The following FRRS1L variants were observed in gnomAD, a reference collection of about 807,000 sequenced individuals.
FRRS1L encodes the protein DOMON domain-containing protein FRRS1L.
In FRRS1L, 22 loss-of-function variants were observed where a neutral mutation model predicts 28.6. That is an observed-to-expected ratio of 0.77 (90% CI 0.55 to 1.10). The LOEUF (loss-of-function observed/expected upper bound fraction) is 1.10, where lower values mean the gene tolerates loss of function less well. Ranked by LOEUF, FRRS1L falls within the 50% of genes least tolerant of loss-of-function variation. FRRS1L has a pLI of 0.00. For missense variants in FRRS1L, 380 were observed against 386.9 expected, an observed-to-expected ratio of 0.98 and a Z score of 0.15; for synonymous variants, 158 against 151.4, an observed-to-expected ratio of 1.04 and a Z score of -0.32.
At chr9:109,154,192 G>A (rs560896391) in intron 1 of FRRS1L, among the ~76,000 whole-genome samples, 10 of 152,190 alleles carry the variant, frequency 6.6e-5, no homozygotes, top group Non-Finnish European at 1.5e-4. Flanking sequence ...ACAGCTCTGC[G>A]AGGTCCTGGT....
chr9:109,148,691 G>A (rs183174539), intron 2 of FRRS1L: 1 of 151,820 alleles, frequency 6.6e-6, no homozygotes, highest in Admixed American at 6.6e-5. Context: ...AGGGCACTGG[G>A]GTGAAAAAGA....
intron 1 of FRRS1L, among the ~76,000 whole-genome samples, chr9:109,162,716 G>T (rs767117994): frequency 2.4e-4 from 36 of 152,312 alleles, no homozygotes; most frequent in South Asian, 1.7e-3. Flanking sequence ...ACCCTTAAAG[G>T]ACTTCCAGAT....
chr9:109,144,393 GAC>G (rs1046258783), intron 3 of FRRS1L, among the ~76,000 whole-genome samples: 11 of 152,024 alleles, frequency 7.2e-5, no homozygotes, highest in African/African-American at 2.7e-4. Context: ...CTTTTTTTGA[GAC>G]AGTCTCGCTC....
At chr9:109,141,962 A>G (rs867919468) in intron 3 of FRRS1L, among the ~76,000 whole-genome samples, 2 of 151,882 alleles carry the variant, frequency 1.3e-5, no homozygotes, top group Admixed American at 6.6e-5. Context: ...AAAAAGAAAA[A>G]AAAAAAAAAG....
At position 109,150,144 on chromosome 9, in the gene FRRS1L, T is replaced by C. The variant is rs74982861; in HGVS notation, c.239-424A>G. On this transcript the variant is annotated intron_variant, in intron 1 of 4. Transcript: ENST00000561981. Reference sequence around the variant, plus strand: ...TTTATATACTTGATAACAGGATTTTTCCATTCCATTTTCAACTTCCATTTT... The same window carrying C: ...TTTATATACTTGATAACAGGATTTTCCCATTCCATTTTCAACTTCCATTTT... 1.5e-3 allele frequency: 228 copies of C among 153,384 alleles called. 2 individuals are homozygous for C. The highest frequency in any genetic ancestry group is 2.4e-3 in the Non-Finnish European group (168 of 68,824). The allele number at this position is 153,384 out of a possible 1,614,324, so 9.5% of individuals were successfully genotyped here. A position where few individuals can be genotyped will look rare whatever the true frequency, so the allele number is the denominator to read the frequency against.
chr9:109,140,295 T>C (rs539086837), intron 4 of FRRS1L: 1 of 152,192 alleles, frequency 6.6e-6, no homozygotes, highest in South Asian at 2.1e-4. Context: ...CTACTAAAAA[T>C]ACAAAAAAGT....
intron 4 of FRRS1L, 179 bp downstream of exon 4, chr9:109,141,164 A>G (rs1831180557): frequency 3.1e-6 from 2 of 639,960 alleles, no homozygotes; most frequent in Non-Finnish European, 2.7e-6. Context: ...TGTCCGTATA[A>G]TAAGTCCATT....
rs1431832519 is a variant in FRRS1L at position 109,166,948 on chromosome 9, C to T, written c.191G>A (p.Gly64Asp). Residue 64 changes from glycine (G) to aspartate (D), a missense_variant, in exon 1 of 5, where the codon GGC becomes GAC. Transcript: ENST00000561981. ...EAVPRHDSSY[G>D]TFAGEFYDLR... ...GTCGTAGAACTCCCCCGCGAAGGTG[C>T]CGTAGGAGGAGTCGTGGCGCGGCAC... The T allele has an allele frequency of 8.8e-6, 12 of 1,361,082 alleles. No homozygotes were observed. Among genetic ancestry groups the T allele is most frequent in the African/African-American group, 7.5e-5 (5 of 66,822 alleles). The allele number at this position is 1,361,082 out of a possible 1,614,324, so 84.3% of individuals were successfully genotyped here.
chr9:109,141,168 G>A, intron 4 of FRRS1L, 175 bp downstream of exon 4: 2 of 648,632 alleles, frequency 3.1e-6, no homozygotes, highest in South Asian at 2.0e-5. Flanking sequence ...CGTATAATAA[G>A]TCCATTATAA....
At chr9:109,145,300 C>T (rs550579990) in intron 3 of FRRS1L, among the ~76,000 whole-genome samples, 2 of 152,348 alleles carry the variant, frequency 1.3e-5, no homozygotes, top group South Asian at 4.1e-4. Context: ...TGTCTGAGGT[C>T]CAGAGGTTTT....
Position 109,166,942 on chromosome 9 carries a change from A to AT in FRRS1L, c.196_197insA (p.Phe66TyrfsTer39). The AT allele has an allele frequency of 7.4e-7, 1 of 1,355,574 alleles. No individual in the cohort carries two copies. The highest frequency in any genetic ancestry group is 9.6e-7 in the Non-Finnish European group (1 of 1,044,298). 84.0% of individuals were successfully genotyped at this position (1,355,574 alleles called of 1,614,324 possible). ...GCGCAGGTCGTAGAACTCCCCCGCGAAGGTGCCGTAGGAGGAGTCGTGGCG... is the reference window on the plus strand; with the variant it reads ...GCGCAGGTCGTAGAACTCCCCCGCGATAGGTGCCGTAGGAGGAGTCGTGGCG... On this transcript the variant is annotated frameshift_variant, in exon 1 of 5. Transcript: ENST00000561981. LOFTEE classifies it high-confidence loss of function.
rs1252118884 is a variant in FRRS1L at position 109,131,844 on chromosome 9, C to T, written c.*5611G>A. On this transcript the variant is annotated 3_prime_UTR_variant, in exon 5 of 5. Coordinates refer to ENST00000561981, the MANE Select transcript of FRRS1L (RefSeq NM_014334.4). ...CGGCAGCAAAGTATACACATCCCAG[C>T]CTTTGGCCTAGTGCAGTGGTTCTCA... The T allele has an allele frequency of 6.6e-6, 1 of 152,196 alleles. No homozygotes were observed. The highest frequency in any genetic ancestry group is 1.5e-5 in the Non-Finnish European group (1 of 68,036). The allele number at this position is 152,196 out of a possible 1,614,324, so 9.4% of individuals were successfully genotyped here.
intron 1 of FRRS1L, among the ~76,000 whole-genome samples, chr9:109,158,745 G>C (rs1831442085): frequency 6.6e-6 from 1 of 152,208 alleles, no homozygotes; most frequent in African/African-American, 2.4e-5. Context: ...CAGTTTGATA[G>C]ACATTTGGGT....
At chr9:109,142,812 A>AT (rs1465471635) in intron 3 of FRRS1L, among the ~76,000 whole-genome samples, 1 of 83,646 alleles carries the variant, frequency 1.2e-5, no homozygotes, top group African/African-American at 3.6e-5. Flanking sequence ...GTCTCAAAAA[A>AT]TAAAAATAAA....
rs187435069 is a variant in FRRS1L at position 109,130,738 on chromosome 9, T to C, written c.*6717A>G. The C allele has an allele frequency of 2.0e-5, 3 of 152,350 alleles. No individual in the cohort carries two copies. The highest frequency in any genetic ancestry group is 2.9e-5 in the Non-Finnish European group (2 of 68,030). 9.4% of individuals were successfully genotyped at this position (152,350 alleles called of 1,614,324 possible). On this transcript the variant is annotated 3_prime_UTR_variant, in exon 5 of 5. Transcript: ENST00000561981. ...GCCAGATTGTTCCAGCATATCAGCA[T>C]GTCTGTGGAAATAAGGCATCCGGAG...
chr9:109,141,717 T>C (rs1034604137), intron 3 of FRRS1L, 128 bp from the exon 4 acceptor site: 2 of 991,676 alleles, frequency 2.0e-6, no homozygotes, highest in Non-Finnish European at 2.9e-6. Context: ...TTAAGTGCCA[T>C]TAAAAAGTCT....
At chr9:109,159,180 T>C (rs1344418333) in intron 1 of FRRS1L, among the ~76,000 whole-genome samples, 2 of 152,250 alleles carry the variant, frequency 1.3e-5, no homozygotes, top group African/African-American at 2.4e-5. Context: ...TATTAAGTTG[T>C]AATAATTACA....
intron 1 of FRRS1L, among the ~76,000 whole-genome samples, chr9:109,164,987 C>G (rs1831529666): frequency 6.6e-6 from 1 of 152,192 alleles, no homozygotes; most frequent in Non-Finnish European, 1.5e-5. Context: ...ATATCATTCT[C>G]TCTGCAGAGA....
chr9:109,143,532 T>TTC (rs1554732722), intron 3 of FRRS1L, among the ~76,000 whole-genome samples: 21 of 135,642 alleles, frequency 1.5e-4, no homozygotes, highest in Admixed American at 2.1e-4. Flanking sequence ...TTTTTTTTTT[T>TTC]CCCCGACAGA....
Sources: allele counts gnomAD v4.1 joint callset (sites outside exome capture counted in the v4.1 genomes callset), GRCh38; gene constraint gnomAD v4.1.1; transcripts MANE v1.5; gene names NCBI Gene and HGNC (gene_info 2026-07-23, HGNC 2026-07-21).